The following PELI1 variants were observed in gnomAD, a reference collection of about 807,000 sequenced individuals.
The protein encoded by PELI1 is E3 ubiquitin-protein ligase pellino homolog 1.
In PELI1, 15 loss-of-function variants were observed where a neutral mutation model predicts 41.3. That is an observed-to-expected ratio of 0.36 (90% confidence interval 0.24 to 0.56). The LOEUF (loss-of-function observed/expected upper bound fraction) is 0.56. Among genes scored for constraint, PELI1 ranks in the 20% least tolerant of loss-of-function variants. The probability of loss-of-function intolerance (pLI) is 0.82; values close to 1 mark genes in which losing one functional copy is unlikely to be tolerated. For synonymous variants in PELI1, 178 were observed against 180.1 expected, an observed-to-expected ratio of 0.99 and a Z score of 0.09; for missense variants, 403 against 525.5, an observed-to-expected ratio of 0.77 and a Z score of 2.28.
chr2:64,100,527 A>T, intron 3 of PELI1, 28 bp from the exon 4 acceptor site: 2 of 1,080,198 alleles, frequency 1.9e-6, no homozygotes, highest in Admixed American at 3.4e-5. Flanking sequence ...AATAGCAAAA[A>T]TTAGTAGGCA....
chr2:64,116,670 C>G (rs1169329071), intron 1 of PELI1, among the ~76,000 whole-genome samples: 1 of 152,164 alleles, frequency 6.6e-6, no homozygotes, highest in Non-Finnish European at 1.5e-5. Context: ...ACTAAGGTTA[C>G]AAATGAGCAC....
intron 3 of PELI1, among the ~76,000 whole-genome samples, chr2:64,101,774 T>C (rs1680441588): frequency 6.6e-6 from 1 of 151,458 alleles, no homozygotes; most frequent in Admixed American, 6.6e-5. Context: ...GAAGAGATTA[T>C]ACTAACGACT....
chr2:64,118,098 C>T (rs997087378), intron 1 of PELI1, among the ~76,000 whole-genome samples: 2 of 152,086 alleles, frequency 1.3e-5, no homozygotes, highest in Admixed American at 6.6e-5. Context: ...TGTGAGCCAC[C>T]GTGCCCGGCC....
intron 1 of PELI1, among the ~76,000 whole-genome samples, chr2:64,135,434 A>G (rs1006443546): frequency 2.0e-5 from 3 of 152,180 alleles, no homozygotes; most frequent in African/African-American, 7.2e-5. Context: ...ACAAATAGGA[A>G]AAGTATTGTA....
In PELI1 at chr2:64,106,945, C is replaced by T. The variant is rs193235146; in HGVS notation, c.71+1295G>A. ...CAATTTTCTTTTTTCTCATTTTTTT[C>T]GAGACGGAGTCTTGCTCTGTTGCCC... On this transcript the variant is annotated intron_variant, in intron 2 of 6. Coordinates refer to ENST00000358912, the MANE Select transcript of PELI1 (RefSeq NM_020651.4). Among the ~76,000 whole-genome samples the T allele has an allele frequency of 3.7e-4, 57 of 152,058 alleles. No individual in the cohort carries two copies. The East Asian group carries it at 9.8e-3, about 26-fold the overall frequency.
chr2:64,094,937 G>A lies in PELI1; in HGVS notation c.1022C>T (p.Pro341Leu). The change falls in exon 7 of 7, where the codon CCC (proline) becomes CTC (leucine). Residue 341 changes from proline (P) to leucine (L), a missense_variant. Physicochemically the swap from Pro to Leu is moderately conservative, Grantham distance 98. Transcript: ENST00000358912. ...RECPMCRSVG[P>L]YVPLWLGCEA... ...ACATCCAAGCCACAGAGGAACATAG[G>A]GACCAACAGACCTACACATAGGACA... 6.2e-7 allele frequency: 1 copy of A among 1,614,002 alleles called. No homozygotes were observed. The highest frequency in any genetic ancestry group is 8.5e-7 in the Non-Finnish European group (1 of 1,179,994).
At chr2:64,140,814 A>AAAAAAAAAAAAAAAAAAAG (rs1306339781) in intron 1 of PELI1, among the ~76,000 whole-genome samples, 1 of 148,864 alleles carries the variant, frequency 6.7e-6, no homozygotes, top group African/African-American at 2.5e-5. Flanking sequence ...CAAACAAAAA[A>AAAAAAAAAAAAAAAAAAAG]AAACCTAGGG....
chr2:64,139,374 T>C (rs569523045), intron 1 of PELI1, among the ~76,000 whole-genome samples: 1 of 152,070 alleles, frequency 6.6e-6, no homozygotes, highest in South Asian at 2.1e-4. Flanking sequence ...GGTGCAATCA[T>C]GGTTCACTGC....
chr2:64,096,518 G>T lies in PELI1; in HGVS notation c.396C>A (p.Ser132Arg). Residue 132 changes from serine (S) to arginine (R), a missense_variant, in exon 5 of 7, where the codon AGC (serine) becomes AGA (arginine). Transcript: ENST00000358912. ...TTCTGCAGGCAAATCTTGATATAGTGCTTTGTACTGACTGTGTATCAGAAT... is the reference window on the plus strand; with the variant it reads ...TTCTGCAGGCAAATCTTGATATAGTTCTTTGTACTGACTGTGTATCAGAAT... ...QSNSDTQSVQ[S>R]TISRFACRII... 6.2e-7 allele frequency: 1 copy of T among 1,609,436 alleles called. No homozygotes were observed. The highest frequency in any genetic ancestry group is 8.5e-7 in the Non-Finnish European group (1 of 1,175,806).
chr2:64,096,000 G>C (rs1351932390), intron 6 of PELI1, 125 bp downstream of exon 6: 2 of 705,066 alleles, frequency 2.8e-6, no homozygotes, highest in Admixed American at 2.7e-5. Flanking sequence ...GTCAGTGTTT[G>C]ATAGACTTAG....
intron 1 of PELI1, among the ~76,000 whole-genome samples, chr2:64,138,811 C>A (rs990780136): frequency 2.6e-5 from 4 of 152,214 alleles, no homozygotes; most frequent in African/African-American, 9.7e-5. Context: ...TCTCCCTTCC[C>A]CTTCCCTGCT....
At chr2:64,103,854 C>T (rs1002466954) in intron 3 of PELI1, among the ~76,000 whole-genome samples, 3 of 152,140 alleles carry the variant, frequency 2.0e-5, no homozygotes, top group Admixed American at 2.0e-4. Flanking sequence ...ACAGGTACTT[C>T]CAGGAGTCAA....
At chr2:64,100,137 G>C (rs1680376263) in intron 4 of PELI1, among the ~76,000 whole-genome samples, 1 of 152,060 alleles carries the variant, frequency 6.6e-6, no homozygotes. Flanking sequence ...ACAGTCATAG[G>C]GGAGAGTCTA....
chr2:64,134,024 T>C (rs985627397), intron 1 of PELI1, among the ~76,000 whole-genome samples: 5 of 152,106 alleles, frequency 3.3e-5, no homozygotes, highest in Admixed American at 2.6e-4. Context: ...AGTTTATCCA[T>C]GATGACTCAG....
At chr2:64,132,089 T>C (rs965862454) in intron 1 of PELI1, among the ~76,000 whole-genome samples, 1 of 152,152 alleles carries the variant, frequency 6.6e-6, no homozygotes, top group Non-Finnish European at 1.5e-5. Context: ...AACAGATCTT[T>C]CCCCCTCCTT....
intron 1 of PELI1, chr2:64,143,477 T>C (rs1338350540): frequency 1.3e-5 from 2 of 152,282 alleles, no homozygotes; most frequent in African/African-American, 2.4e-5. Flanking sequence ...TGAGAGCTTT[T>C]CACGACCTCA....
At chr2:64,121,351 C>G (rs940847085) in intron 1 of PELI1, among the ~76,000 whole-genome samples, 10 of 152,248 alleles carry the variant, frequency 6.6e-5, no homozygotes, top group Non-Finnish European at 1.2e-4. Context: ...AACCTGAGGT[C>G]CTGCCATTCT....
At chr2:64,120,011 C>T (rs1043590786) in intron 1 of PELI1, among the ~76,000 whole-genome samples, 5 of 152,168 alleles carry the variant, frequency 3.3e-5, no homozygotes, top group Admixed American at 1.3e-4. Flanking sequence ...TTATCCCAGG[C>T]ATAAAAATAG....
chr2:64,132,568 T>C (rs17028499), intron 1 of PELI1, among the ~76,000 whole-genome samples: 3,464 of 152,252 alleles, frequency 0.023, 111 homozygotes, highest in African/African-American at 0.077. Context: ...TTATACTACC[T>C]TAGCTTTAAC....
Sources: gnomAD v4.1 joint callset for allele counts (sites outside exome capture counted in the v4.1 genomes callset) on GRCh38, gnomAD v4.1.1 for gene constraint, MANE v1.5 for transcripts, NCBI Gene and HGNC (gene_info 2026-07-23, HGNC 2026-07-21) for gene names.